Variants in ATAD3C observed in about 807,000 individuals in gnomAD.
The protein encoded by ATAD3C is ATPase family AAA domain-containing protein 3C.
In ATAD3C, 38 loss-of-function variants were observed where a neutral mutation model predicts 46.3. The ratio of observed to expected loss-of-function variants is 0.82; its 90% CI spans 0.63 to 1.08. The LOEUF (loss-of-function observed/expected upper bound fraction) is 1.08, where lower values mean the gene tolerates loss of function less well. Ranked by LOEUF, ATAD3C falls within the 50% of genes least tolerant of loss-of-function variation. The pLI is 0.00. For synonymous variants in ATAD3C, 220 were observed against 236.4 expected (o/e 0.93, Z 0.63); for missense variants, 563 against 572.7 (o/e 0.98, Z 0.17).
Position 1,454,462 on chromosome 1 carries a change from C to A in ATAD3C, c.340C>A (p.Arg114Ser). The A allele has an allele frequency of 1.2e-6, 2 of 1,609,708 alleles. No homozygotes were observed. Among genetic ancestry groups the A allele is most frequent in the African/African-American group, 1.3e-5 (1 of 74,728 alleles). ...GKPSLVRETSRITVLEALRHP... is the reference protein window; with the variant it reads ...GKPSLVRETSSITVLEALRHP... ...GCCGTCCCTAGTGAGGGAGACGTCC[C>A]GCATCACGGTGCTTGAGGCGCTGCG... is the stretch of plus-strand genomic sequence containing the variant. The change falls in exon 4 of 12, where the codon CGC becomes AGC. Residue 114 changes from arginine to serine, a missense_variant. This residue lies in a region of ATAD3C where 263 missense variants were observed against 243.1 expected (regional missense o/e 1.08). Coordinates refer to ENST00000378785, the MANE Select transcript of ATAD3C (RefSeq NM_001039211.3).
At chr1:1,460,382 G>C (rs1037580141) in intron 9 of ATAD3C, among the ~76,000 whole-genome samples, 1 of 152,026 alleles carries the variant, frequency 6.6e-6, no homozygotes, top group Non-Finnish European at 1.5e-5. Context: ...CGTCTGGCCA[G>C]CGTGGCCACA....
Position 1,450,720 on chromosome 1 carries a change from G to T in ATAD3C, c.37G>T (p.Glu13Ter). ...CGCCCTGAATCTGGCGCAGATGCAG[G>T]AGCAGACGCTGCAGTTGGAGCAACA... ...KDALNLAQMQ[E>*]QTLQLEQQSK... Residue 13 changes from glutamate (E) to a stop codon, truncating the protein, a stop_gained, in exon 1 of 12, where the codon GAG becomes TAG. Transcript: ENST00000378785. LOFTEE classifies it high-confidence loss of function. The T allele has an allele frequency of 1.9e-6, 3 of 1,613,298 alleles. No homozygotes were observed. Among genetic ancestry groups the T allele is most frequent in the South Asian group, 2.2e-5 (2 of 90,988 alleles).
chr1:1,453,882 C>A (rs1261395861), intron 3 of ATAD3C, among the ~76,000 whole-genome samples: 2 of 151,858 alleles, frequency 1.3e-5, no homozygotes, highest in African/African-American at 4.8e-5. Context: ...CTCAGGTGAT[C>A]CACCTGCCTC....
rs1639201486 is a variant in ATAD3C at position 1,469,284 on chromosome 1, CT to C, written c.*755del. ...ATGGGCAACAAGAGTCAAACTCCCT[CT>C]AAAAAAAAAAAAAAAAAAAGGGCCA... On this transcript the variant is annotated 3_prime_UTR_variant, in exon 12 of 12. Transcript: ENST00000378785. 7.7e-6 allele frequency: 1 copy of C among 129,322 alleles called. No homozygotes were observed. Among genetic ancestry groups the C allele is most frequent in the Non-Finnish European group, 1.6e-5 (1 of 62,474 alleles). The allele number at this position is 129,322 out of a possible 1,614,324, so 8.0% of individuals were successfully genotyped here.
chr1:1,451,763 G>A (rs2100471615), intron 1 of ATAD3C, among the ~76,000 whole-genome samples: 1 of 152,192 alleles, frequency 6.6e-6, no homozygotes, highest in African/African-American at 2.4e-5. Flanking sequence ...CCTGAATCAG[G>A]GCAGTGGTGT....
intron 1 of ATAD3C, among the ~76,000 whole-genome samples, chr1:1,451,198 G>A (rs142472854): frequency 0.036 from 5,388 of 149,476 alleles, 161 homozygotes; most frequent in East Asian, 0.13. Flanking sequence ...CTGCCACCAC[G>A]CCCAGCTAAT....
In ATAD3C at chr1:1,460,909, A is replaced by C. The variant is rs770810154; in HGVS notation, c.972A>C (p.Glu324Asp). The C allele has an allele frequency of 6.2e-7, 1 of 1,608,076 alleles. No individual in the cohort carries two copies. The highest frequency in any genetic ancestry group is 2.2e-5 in the East Asian group (1 of 44,620). ...AGTATGTTCTTAAGCCGGCCACAGA[A>C]GGAAAGCGGTAAGTGTCCCGCCCCA... is the stretch of plus-strand genomic sequence containing the variant. ...LNEYVLKPAT[E>D]GKRRLKLAQF... Residue 324 changes from glutamate to aspartate, a missense_variant, in exon 10 of 12, where the codon GAA becomes GAC. By Grantham distance (45) the Glu-to-Asp change is conservative. Around this residue, in one of 3 missense-constraint regions of ATAD3C, gnomAD observed 273 missense variants for 253.5 expected, o/e 1.08. Transcript: ENST00000378785.
rs761654916 is a variant in ATAD3C at position 1,455,496 on chromosome 1, G to T, written c.415G>T (p.Val139Leu). The change falls in exon 5 of 12, where the codon GTG becomes TTG. Residue 139 changes from valine to leucine, a missense_variant. Transcript: ENST00000378785. Reference sequence around the variant, plus strand: ...GCGGCTCCTCAGTCGACCCCAGGACGTGCTGGAGGGTGTTGTGCTTAGTGT... The same window carrying T: ...GCGGCTCCTCAGTCGACCCCAGGACTTGCTGGAGGGTGTTGTGCTTAGTGT... ...SRRLLSRPQD[V>L]LEGVVLSPSL... The T allele has an allele frequency of 6.2e-7, 1 of 1,612,576 alleles. No individual in the cohort carries two copies. Among genetic ancestry groups the T allele is most frequent in the Non-Finnish European group, 8.5e-7 (1 of 1,179,478 alleles).
intron 11 of ATAD3C, among the ~76,000 whole-genome samples, chr1:1,465,897 A>G (rs1639135542): frequency 6.6e-6 from 1 of 151,938 alleles, no homozygotes; most frequent in African/African-American, 2.4e-5. Context: ...AAAAGCTGCC[A>G]GTTTTTCACC....
intron 11 of ATAD3C, among the ~76,000 whole-genome samples, chr1:1,465,439 A>T (rs1480291873): frequency 6.6e-6 from 1 of 150,860 alleles, no homozygotes; most frequent in African/African-American, 2.4e-5. Flanking sequence ...AAAATACAAA[A>T]AATTAGCCGG....
chr1:1,454,231 G>A (rs954583950), intron 3 of ATAD3C, 114 bp from the exon 4 acceptor site: 10 of 1,446,376 alleles, frequency 6.9e-6, no homozygotes, highest in East Asian at 2.5e-5. Flanking sequence ...GCCAGCACAC[G>A]GCCCTGTGCT....
At chr1:1,456,981 C>G in intron 7 of ATAD3C, 148 bp from the exon 8 acceptor site, 2 of 1,091,070 alleles carry the variant, frequency 1.8e-6, no homozygotes, top group Non-Finnish European at 2.7e-6. Flanking sequence ...GGATCAGCTT[C>G]TGTCAGGTCC....
chr1:1,457,595 C>CAAAAAAAAAAAA lies in ATAD3C; in HGVS notation c.741+423_741+434dup, dbSNP rs777757826. ...TGGGCGACACAGCGAGACTTCATCT[C>CAAAAAAAAAAAA]AAAAAAAAAAAAAAAAAAACAAAAA... On this transcript the variant is annotated intron_variant, in intron 8 of 11. Coordinates refer to ENST00000378785, the MANE Select transcript of ATAD3C (RefSeq NM_001039211.3). Among the ~76,000 whole-genome samples, 16 of 36,434 alleles carry CAAAAAAAAAAAA rather than the reference C, an allele frequency of 4.4e-4. 2 individuals carry two copies. The highest frequency in any genetic ancestry group is 2.0e-3 in the African/African-American group (15 of 7,360). 23.9% of individuals were successfully genotyped at this position (36,434 alleles called of 152,430 possible). A position where few individuals can be genotyped will look rare whatever the true frequency, so the allele number is the denominator to read the frequency against.
At chr1:1,455,220 A>G (rs1438922659) in intron 4 of ATAD3C, among the ~76,000 whole-genome samples, 1 of 69,590 alleles carries the variant, frequency 1.4e-5, no homozygotes, top group African/African-American at 1.7e-4. Context: ...CCGTCTCAAA[A>G]AAAAAAAAAA....
intron 6 of ATAD3C, 130 bp downstream of exon 6, chr1:1,456,046 G>C: frequency 6.7e-7 from 1 of 1,500,752 alleles, no homozygotes; most frequent in Non-Finnish European, 8.9e-7. Context: ...TGTAGGCTCA[G>C]GGTGCTGGTG....
intron 3 of ATAD3C, among the ~76,000 whole-genome samples, chr1:1,453,430 G>C (rs1638897740): frequency 1.3e-5 from 2 of 151,996 alleles, no homozygotes; most frequent in South Asian, 4.2e-4. Context: ...TCGAACTCTT[G>C]ATCTCAGGTG....
In ATAD3C at chr1:1,460,767, C is replaced by T. The variant is rs867034694; in HGVS notation, c.830C>T (p.Ala277Val). 2 of 1,608,144 alleles carry T rather than the reference C, an allele frequency of 1.2e-6. No homozygotes were observed. The highest frequency in any genetic ancestry group is 1.3e-5 in the African/African-American group (1 of 74,840). ...CCCCGCAGATTCATGCTGATCCTGG[C>T]CAGCTGCCACCCCGAGCAGTTCGAC... ...QHSNKFMLIL[A>V]SCHPEQFDWA... The change falls in exon 10 of 12, where the codon GCC becomes GTC. Residue 277 changes from alanine (A) to valine (V), a missense_variant. Ala to Val is a moderately conservative substitution (Grantham distance 64, BLOSUM62 0). Transcript: ENST00000378785.
In ATAD3C at chr1:1,454,792, G is replaced by A. The variant is rs533798713; in HGVS notation, c.378+292G>A. On this transcript the variant is annotated intron_variant, in intron 4 of 11. Transcript: ENST00000378785. The stretch of plus-strand genomic sequence containing the variant: ...GGATTTGGGTGTGCGGCCGTCTGTC[G>A]GGGAAGCTGCTACAGGCCACAGTGT... 5.9e-4 allele frequency among the ~76,000 whole-genome samples: 89 copies of A among 151,934 alleles called. 1 individual carries two copies. The highest frequency in any genetic ancestry group is 1.9e-3 in the Admixed American group (29 of 15,226).
intron 9 of ATAD3C, among the ~76,000 whole-genome samples, chr1:1,460,274 G>A (rs1639033838): frequency 6.6e-6 from 1 of 151,800 alleles, no homozygotes; most frequent in Non-Finnish European, 1.5e-5. Flanking sequence ...TAGAGATGGG[G>A]TTTCACCATG....
Sources: allele counts gnomAD v4.1 joint callset (sites outside exome capture counted in the v4.1 genomes callset), GRCh38; gene constraint gnomAD v4.1.1; regional missense constraint gnomAD v4.1.1; transcripts MANE v1.5; gene names NCBI Gene and HGNC (gene_info 2026-07-23, HGNC 2026-07-21).